The following MIB2 variants were observed in gnomAD, a reference collection of about 807,000 sequenced individuals.
The protein encoded by MIB2 is E3 ubiquitin-protein ligase MIB2.
A neutral mutation model predicts 96.6 loss-of-function variants in MIB2; 78 were observed. The observed-to-expected ratio is 0.81, with a 90% CI of 0.67 to 0.97. MIB2 has a LOEUF of 0.97. Among genes scored for constraint, MIB2 ranks in the 50% least tolerant of loss-of-function variants. The probability of loss-of-function intolerance (pLI) is 0.00; values close to 1 mark genes in which losing one functional copy is unlikely to be tolerated. For missense variants in MIB2, 1,543 were observed against 1,424.0 expected (o/e 1.08, Z -1.35); for synonymous variants, 820 against 629.5 (o/e 1.30, Z -4.53).
rs758670502 is a variant in MIB2 at position 1,615,674 on chromosome 1, C to T, written c.-130+41C>T. ...GATCTCCTCCCCTGGTCCTCCGCAC[C>T]GTCCCCGAGTCGTTCTCCGCTCTGG... is the stretch of plus-strand genomic sequence containing the variant. On this transcript the variant is annotated intron_variant, in intron 1 of 19. Coordinates refer to ENST00000355826, the MANE Select transcript of MIB2 (RefSeq NM_001170687.4). 7.1e-6 allele frequency: 11 copies of T among 1,542,648 alleles called. No homozygotes were observed. The South Asian group carries it at 7.2e-5, about 10-fold the overall frequency.
chr1:1,618,786 C>T (rs1453034624), intron 2 of MIB2: 1 of 152,314 alleles, frequency 6.6e-6, no homozygotes, highest in African/African-American at 2.4e-5. Flanking sequence ...TGGGCTGGAT[C>T]CTCCCGCCCC....
chr1:1,628,029 C>T lies in MIB2; in HGVS notation c.1691C>T (p.Ser564Leu), dbSNP rs544635620. ...GCDVNLPDAH[S>L]DTPLHSAISA... ...ACTCCGCCCCAGCAGGACGCCCACT[C>T]GGACACGCCCCTGCACTCCGCCATC... The change falls in exon 14 of 20, where the codon TCG becomes TTG. Residue 564 changes from serine to leucine, a missense_variant. Ser to Leu is a moderately radical substitution (Grantham distance 145). Transcript: ENST00000355826. The T allele has an allele frequency of 9.1e-5, 146 of 1,612,706 alleles. No individual in the cohort carries two copies. The highest frequency in any genetic ancestry group is 2.9e-4 in the East Asian group (13 of 44,838).
In MIB2 at chr1:1,625,670, G is replaced by T. The variant is rs1185545200; in HGVS notation, c.972+17G>T. The T allele has an allele frequency of 6.5e-7, 1 of 1,545,098 alleles. No individual in the cohort carries two copies. Among genetic ancestry groups the T allele is most frequent in the Admixed American group, 2.0e-5 (1 of 51,122 alleles). On this transcript the variant is annotated intron_variant, in intron 8 of 19. Transcript: ENST00000355826. The surrounding 1 kb of genome is among the most constrained non-coding windows in gnomAD (Gnocchi z 5.0). ...CTCACCAAGGTGCCGGGGGGGCTGG[G>T]CTGCGCCTCATCTGCTTGCTTCTGT...
At chr1:1,621,085 C>T (rs1188417008) in intron 2 of MIB2, among the ~76,000 whole-genome samples, 1 of 152,240 alleles carries the variant, frequency 6.6e-6, no homozygotes, top group African/African-American at 2.4e-5. Flanking sequence ...CTCTCTGGTT[C>T]TTATGTTTCA....
At chr1:1,628,243 A>G (rs1256037076) in intron 14 of MIB2, 30 bp from the exon 15 acceptor site, 1 of 1,612,650 alleles carries the variant, frequency 6.2e-7, no homozygotes, top group African/African-American at 1.3e-5. Context: ...GGGCAGTCCC[A>G]GGTCCCAGAC....
In MIB2 at chr1:1,626,901, C is replaced by A. The variant is rs753978799; in HGVS notation, c.1142C>A (p.Ala381Asp). The change falls in exon 10 of 20, where the codon GCT becomes GAT. Residue 381 changes from alanine (A) to aspartate (D), a missense_variant. By Grantham distance (126) the Ala-to-Asp change is moderately radical (BLOSUM62 -2). Transcript: ENST00000355826. The surrounding 1 kb of genome is among the most constrained non-coding windows in gnomAD (Gnocchi z 5.3). ...GACGGGAACCTGCGTGTAGCAGTCG[C>A]TGGTCAGCGGTGGACCTTCAGCCCC... ...FGDGNLRVAVAGQRWTFSPSC... is the reference protein window; with the variant it reads ...FGDGNLRVAVDGQRWTFSPSC... The A allele has an allele frequency of 3.1e-6, 5 of 1,607,474 alleles. No homozygotes were observed. In the Admixed American group the frequency reaches 6.7e-5, roughly 21 times the overall value.
At position 1,623,795 on chromosome 1, in the gene MIB2, T is replaced by C; in HGVS notation, c.269T>C (p.Ile90Thr). The C allele has an allele frequency of 6.2e-7, 1 of 1,604,964 alleles. No individual in the cohort carries two copies. Among genetic ancestry groups the C allele is most frequent in the Non-Finnish European group, 8.5e-7 (1 of 1,176,298 alleles). ...AQIGVRHPNI[I>T]CDCCKKHGLR... Reference sequence around the variant, plus strand: ...CCAGGCGTCCGGCACCCCAACATCATCTGTGACTGCTGCAAGAAGCACGGG... The same window carrying C: ...CCAGGCGTCCGGCACCCCAACATCACCTGTGACTGCTGCAAGAAGCACGGG... Residue 90 changes from isoleucine to threonine, a missense_variant, in exon 4 of 20, where the codon ATC becomes ACC. Physicochemically the swap from Ile to Thr is moderately conservative, Grantham distance 89. Coordinates refer to ENST00000355826, the MANE Select transcript of MIB2 (RefSeq NM_001170687.4).
At position 1,626,505 on chromosome 1, in the gene MIB2, C is replaced by G. The variant is rs2100505011; in HGVS notation, c.973-145C>G. 1 of 671,136 alleles carries G rather than the reference C, an allele frequency of 1.5e-6. No homozygotes were observed. Among genetic ancestry groups the G allele is most frequent in the Middle Eastern group, 4.2e-4 (1 of 2,396 alleles). 41.6% of individuals were successfully genotyped at this position (671,136 alleles called of 1,614,324 possible). On this transcript the variant is annotated intron_variant, in intron 8 of 19. Coordinates refer to ENST00000355826, the MANE Select transcript of MIB2 (RefSeq NM_001170687.4). The surrounding 1 kb of genome is among the most constrained non-coding windows in gnomAD (Gnocchi z 5.3). ...TGGGGCTCTCGTCCAGCCAGAGCCT[C>G]TGGCAGTGCCTGGGGTCGGGGTCGG...
Position 1,626,764 on chromosome 1 carries a change from C to T in MIB2, c.1077+10C>T. The T allele has an allele frequency of 6.4e-7, 1 of 1,555,410 alleles. No individual in the cohort carries two copies. Among genetic ancestry groups the T allele is most frequent in the Non-Finnish European group, 8.7e-7 (1 of 1,153,336 alleles). On this transcript the variant is annotated intron_variant, in intron 9 of 19. Transcript: ENST00000355826. The surrounding 1 kb of genome is among the most constrained non-coding windows in gnomAD (Gnocchi z 5.3). ...GGACGACATGGCCCCTGTGAGTCCC[C>T]CTGCCACCCCCGCCGCTAGCGCCGC...
Position 1,630,576 on chromosome 1 carries a change from C to A in MIB2, c.*46C>A. Reference sequence around the variant, plus strand: ...CGAGCTGCCTTCGCGTGCCCCCGCCCTGTGTTTTATAAAAAGAAAGATTCT... The same window carrying A: ...CGAGCTGCCTTCGCGTGCCCCCGCCATGTGTTTTATAAAAAGAAAGATTCT... On this transcript the variant is annotated 3_prime_UTR_variant, in exon 20 of 20. Transcript: ENST00000355826. 1 of 1,409,026 alleles carries A rather than the reference C, an allele frequency of 7.1e-7. No homozygotes were observed. Among genetic ancestry groups the A allele is most frequent in the Non-Finnish European group, 9.4e-7 (1 of 1,060,738 alleles). The allele number at this position is 1,409,026 out of a possible 1,614,324, so 87.3% of individuals were successfully genotyped here.
intron 1 of MIB2, 172 bp from the exon 2 acceptor site, chr1:1,616,336 C>T (rs1643671586): frequency 2.0e-6 from 1 of 507,634 alleles, no homozygotes; most frequent in Non-Finnish European, 3.3e-6. Context: ...GCGCTGGCGG[C>T]TCCTGCGCGC....
intron 19 of MIB2, 140 bp downstream of exon 19, chr1:1,629,844 GGCCCCCCAGCCCCCAGCCCCCA>G: frequency 1.2e-6 from 1 of 860,800 alleles, no homozygotes; most frequent in Non-Finnish European, 1.5e-6. Context: ...GCTCACACCC[GGCCCCCCAGCCCCCAGCCCCCA>G]GCCCCGCCTG....
At position 1,628,717 on chromosome 1, in the gene MIB2, T is replaced by G. The variant is rs746956775; in HGVS notation, c.2197T>G (p.Ser733Ala). 5.2e-6 allele frequency: 8 copies of G among 1,541,638 alleles called. No homozygotes were observed. In the South Asian group the frequency reaches 9.5e-5, roughly 18 times the overall value. ...GGDPGPLQLL[S>A]RLQASGLPGS... ...GGACCCAGGGCCCTTGCAGCTGCTG[T>G]CCAGGGTGAGGAAGTGTGGCGTGGG... The change falls in exon 16 of 20, where the codon TCC (serine) becomes GCC (alanine). Residue 733 changes from serine to alanine, a missense_variant. Physicochemically the swap from Ser to Ala is moderately conservative, Grantham distance 99. Coordinates refer to ENST00000355826, the MANE Select transcript of MIB2 (RefSeq NM_001170687.4).
At position 1,629,679 on chromosome 1, in the gene MIB2, G is replaced by T; in HGVS notation, c.2604G>T (p.Val868=). ...TGAAGAAGTGCATCAGGTGCCAGGT[G>T]GTCGTCAGCAAGAAACTGCGCCCAG... ...RRMKKCIRCQ[V]VVSKKLRPDG... Residue 868 remains valine, a synonymous_variant, in exon 19 of 20, where the codon GTG becomes GTT. Transcript: ENST00000355826. The T allele has an allele frequency of 1.3e-6, 2 of 1,599,954 alleles. No individual in the cohort carries two copies. Among genetic ancestry groups the T allele is most frequent in the Non-Finnish European group, 1.7e-6 (2 of 1,173,208 alleles).
chr1:1,627,104 G>C lies in MIB2; in HGVS notation c.1271G>C (p.Arg424Pro), dbSNP rs746210044. The C allele has an allele frequency of 1.2e-6, 2 of 1,600,406 alleles. No individual in the cohort carries two copies. Among genetic ancestry groups the C allele is most frequent in the Non-Finnish European group, 1.7e-6 (2 of 1,174,016 alleles). ...CTGAGCGTGGCCCTGGACAAGCTTC[G>C]GGCCCAGAAGAGTGACCCAGAGCAC... ...SSLSVALDKLRAQKSDPEHPG... is the reference protein window; with the variant it reads ...SSLSVALDKLPAQKSDPEHPG... The change falls in exon 11 of 20, where the codon CGG becomes CCG. Residue 424 changes from arginine (R) to proline (P), a missense_variant. Coordinates refer to ENST00000355826, the MANE Select transcript of MIB2 (RefSeq NM_001170687.4).
At chr1:1,616,689 C>A in intron 2 of MIB2, 75 bp downstream of exon 2, 1 of 1,179,814 alleles carries the variant, frequency 8.5e-7, no homozygotes, top group South Asian at 1.4e-5. Context: ...GAAGCCACGT[C>A]AGAGAGGCTG....
At chr1:1,620,314 G>T (rs749270173) in intron 2 of MIB2, among the ~76,000 whole-genome samples, 14 of 152,302 alleles carry the variant, frequency 9.2e-5, no homozygotes, top group South Asian at 2.1e-4. Context: ...GCTTTTTTGC[G>T]GTCCCAAGTC....
chr1:1,625,443 C>A lies in MIB2; in HGVS notation c.864+15C>A. The A allele has an allele frequency of 6.4e-7, 1 of 1,563,590 alleles. No homozygotes were observed. Among genetic ancestry groups the A allele is most frequent in the Non-Finnish European group, 8.7e-7 (1 of 1,155,400 alleles). On this transcript the variant is annotated intron_variant, in intron 7 of 19. Coordinates refer to ENST00000355826, the MANE Select transcript of MIB2 (RefSeq NM_001170687.4). This position sits in a 1 kb window ranked among gnomAD's most constrained non-coding sequence, Gnocchi z 5.0. ...GGATGGCGGAGGTGAGCCGCCCCGC[C>A]GTGGAGCCCTGTGTGCCCTGCCCTC... is the stretch of plus-strand genomic sequence containing the variant.
At chr1:1,629,099 G>T in intron 16 of MIB2, 34 bp from the exon 17 acceptor site, 2 of 1,415,858 alleles carry the variant, frequency 1.4e-6, no homozygotes, top group Non-Finnish European at 1.8e-6. Context: ...CTGCCCCGGC[G>T]CCCGCCCTCA....
Sources: gnomAD v4.1 joint callset for allele counts (sites outside exome capture counted in the v4.1 genomes callset) on GRCh38, gnomAD v4.1.1 for gene constraint, Gnocchi (gnomAD v3.1) non-coding constraint, MANE v1.5 for transcripts, NCBI Gene and HGNC (gene_info 2026-07-23, HGNC 2026-07-21) for gene names.